Variants in IQGAP2 observed in about 807,000 individuals in gnomAD.
IQGAP2 encodes IQ motif containing GTPase activating protein 2.
Under a neutral mutation model 201.3 loss-of-function variants are expected in IQGAP2, and 173 were observed. The observed-to-expected ratio is 0.86, with a 90% confidence interval of 0.76 to 0.98. The LOEUF is 0.98. IQGAP2 is among the 50% of genes least tolerant of loss of function. The pLI is 0.00. For synonymous variants in IQGAP2, 675 were observed against 673.9 expected, an observed-to-expected ratio of 1.00 and a Z score of -0.03; for missense variants, 1,687 against 1,864.8, an observed-to-expected ratio of 0.90 and a Z score of 1.76.
rs369081736 is a variant in IQGAP2, at chr5:76,637,039, A to G, written c.1786A>G (p.Ser596Gly). Residue 596 changes from serine (S) to glycine (G), a missense_variant, in exon 16 of 36, where the codon AGT becomes GGT. Transcript: ENST00000274364. ...TAACAAACTTTTTTCTTTAGTGTCT[A>G]GTGACGGTTCATGGCTCAAACTCAA... is the stretch of plus-strand genomic sequence containing the variant. ...AKELKSERVS[S>G]DGSWLKLNLH... is the part of the protein sequence containing the mutation. 2 of 1,605,552 alleles carry G rather than the reference A, an allele frequency of 1.2e-6. No homozygotes were observed. The highest frequency in any genetic ancestry group is 1.3e-5 in the African/African-American group (1 of 74,460).
chr5:76,483,379 C>T (rs564683782), intron 2 of IQGAP2, among the ~76,000 whole-genome samples: 2 of 152,280 alleles, frequency 1.3e-5, no homozygotes, highest in South Asian at 4.1e-4. Context: ...TATACATTTA[C>T]AAGGTAAAGA....
At chr5:76,634,509 C>G (rs1159256338) in intron 15 of IQGAP2, among the ~76,000 whole-genome samples, 1 of 152,142 alleles carries the variant, frequency 6.6e-6, no homozygotes, top group Non-Finnish European at 1.5e-5. Flanking sequence ...ATTCACCTGC[C>G]TCGGCCTCCC....
chr5:76,520,749 G>C (rs961427524), intron 2 of IQGAP2, among the ~76,000 whole-genome samples: 2 of 136,584 alleles, frequency 1.5e-5, no homozygotes, highest in Admixed American at 1.6e-4. Context: ...TGTCACGCAG[G>C]CTGGAGTGCA....
chr5:76,603,945 G>A (rs1747609515), intron 11 of IQGAP2, among the ~76,000 whole-genome samples: 1 of 152,084 alleles, frequency 6.6e-6, no homozygotes, highest in African/African-American at 2.4e-5. Context: ...AATTGGAAAA[G>A]CCTGTGGAGT....
intron 1 of IQGAP2, among the ~76,000 whole-genome samples, chr5:76,436,633 T>G (rs1454713138): frequency 1.4e-4 from 21 of 145,424 alleles, no homozygotes; most frequent in Non-Finnish European, 2.6e-4. Flanking sequence ...CAGGTTCAAG[T>G]GATTCTTCTG....
chr5:76,493,849 G>A (rs557017558), intron 2 of IQGAP2, among the ~76,000 whole-genome samples: 1 of 152,294 alleles, frequency 6.6e-6, no homozygotes, highest in Admixed American at 6.5e-5. Context: ...TTGTTTATGA[G>A]AAAGAAAGGT....
intron 14 of IQGAP2, among the ~76,000 whole-genome samples, chr5:76,628,325 A>C (rs2150378124): frequency 6.6e-6 from 1 of 152,336 alleles, no homozygotes; most frequent in Admixed American, 6.5e-5. Flanking sequence ...TGTGGAGGTC[A>C]GGTGATGAAT....
At chr5:76,436,619 C>T (rs1389501326) in intron 1 of IQGAP2, among the ~76,000 whole-genome samples, 1 of 142,288 alleles carries the variant, frequency 7.0e-6, no homozygotes, top group Non-Finnish European at 1.5e-5. Flanking sequence ...CAACCTCTGC[C>T]TCCCAGGTTC....
At chr5:76,418,982 T>G (rs987687428) in intron 1 of IQGAP2, among the ~76,000 whole-genome samples, 5 of 152,210 alleles carry the variant, frequency 3.3e-5, no homozygotes, top group African/African-American at 1.2e-4. Flanking sequence ...TATCCCATCT[T>G]GGATTAGAGA....
intron 1 of IQGAP2, among the ~76,000 whole-genome samples, chr5:76,412,434 G>A (rs1285744004): frequency 6.6e-6 from 1 of 152,104 alleles, no homozygotes; most frequent in African/African-American, 2.4e-5. Context: ...CTGTGTAGCT[G>A]GGACTACAGG....
intron 2 of IQGAP2, among the ~76,000 whole-genome samples, chr5:76,478,674 T>A (rs545442549): frequency 6.6e-6 from 1 of 152,322 alleles, no homozygotes; most frequent in South Asian, 2.1e-4. Context: ...CCTACAGTAC[T>A]GAGTATAGTC....
chr5:76,481,387 T>C (rs1262700670), intron 2 of IQGAP2, among the ~76,000 whole-genome samples: 1 of 142,996 alleles, frequency 7.0e-6, no homozygotes, highest in African/African-American at 2.6e-5. Context: ...ACAAAAAAAG[T>C]TTTTTTTTTT....
chr5:76,496,989 C>T (rs1182391265), intron 2 of IQGAP2, among the ~76,000 whole-genome samples: 1 of 151,890 alleles, frequency 6.6e-6, no homozygotes, highest in East Asian at 1.9e-4. Flanking sequence ...GCCACCACAC[C>T]CAGCTAATTT....
intron 2 of IQGAP2, among the ~76,000 whole-genome samples, chr5:76,543,106 G>C (rs1015035317): frequency 3.9e-5 from 6 of 152,152 alleles, no homozygotes; most frequent in Admixed American, 3.3e-4. Flanking sequence ...GGAAGGTGTA[G>C]GGTGAAGCTG....
chr5:76,415,392 A>T (rs908190145), intron 1 of IQGAP2, among the ~76,000 whole-genome samples: 3 of 152,216 alleles, frequency 2.0e-5, no homozygotes, highest in Non-Finnish European at 2.9e-5. Context: ...TCAGCTATAC[A>T]TGTTTTTATA....
chr5:76,619,577 C>A (rs1240434104), intron 13 of IQGAP2, among the ~76,000 whole-genome samples: 10 of 144,462 alleles, frequency 6.9e-5, no homozygotes, highest in Middle Eastern at 4.0e-3. Flanking sequence ...AGTGCAGTGG[C>A]ACGATCTCAG....
chr5:76,455,703 C>G (rs1248166258), intron 1 of IQGAP2, among the ~76,000 whole-genome samples: 1 of 152,132 alleles, frequency 6.6e-6, no homozygotes, highest in Non-Finnish European at 1.5e-5. Flanking sequence ...ATTCCAGGCC[C>G]TAGTGACCTC....
chr5:76,517,108 A>G (rs1436082213), intron 2 of IQGAP2, among the ~76,000 whole-genome samples: 1 of 152,120 alleles, frequency 6.6e-6, no homozygotes, highest in Non-Finnish European at 1.5e-5. Context: ...CTGATTGTCT[A>G]CTCAATCTGC....
chr5:76,447,981 A>C (rs150849576), intron 1 of IQGAP2, among the ~76,000 whole-genome samples: 1 of 152,126 alleles, frequency 6.6e-6, no homozygotes, highest in East Asian at 1.9e-4. Flanking sequence ...TCTCTTCTGC[A>C]TGTAGGGTTT....
Sources: gnomAD v4.1 joint callset for allele counts (sites outside exome capture counted in the v4.1 genomes callset) on GRCh38, gnomAD v4.1.1 for gene constraint, MANE v1.5 for transcripts, NCBI Gene and HGNC (gene_info 2026-07-23, HGNC 2026-07-21) for gene names.